The following SORCS3 variants were observed in gnomAD, a reference collection of about 807,000 sequenced individuals.
SORCS3 encodes the protein VPS10 domain-containing receptor SorCS3.
Under a neutral mutation model 146.3 loss-of-function variants are expected in SORCS3, and 57 were observed. The ratio of observed to expected loss-of-function variants is 0.39; its 90% confidence interval spans 0.31 to 0.49. SORCS3 has a LOEUF of 0.49. Among genes scored for constraint, SORCS3 ranks in the 20% least tolerant of loss-of-function variants. SORCS3 has a pLI of 0.92. For missense variants in SORCS3, 1,341 were observed against 1,575.5 expected (o/e 0.85, Z 2.52); for synonymous variants, 653 against 618.5 (o/e 1.06, Z -0.83).
intron 11 of SORCS3, among the ~76,000 whole-genome samples, chr10:105,162,644 A>G (rs1208543124): frequency 6.6e-6 from 1 of 152,200 alleles, no homozygotes; most frequent in African/African-American, 2.4e-5. Flanking sequence ...AGATATTTCC[A>G]CAAATAGAGT....
At chr10:104,686,942 C>T (rs12766991) in intron 1 of SORCS3, among the ~76,000 whole-genome samples, 18,730 of 151,508 alleles carry the variant, frequency 0.12, 1,172 homozygotes, top group Non-Finnish European at 0.15. Context: ...TCCATCCATC[C>T]ATCTATGTAT....
intron 4 of SORCS3, among the ~76,000 whole-genome samples, chr10:105,041,588 T>C (rs2055338898): frequency 6.6e-6 from 1 of 151,950 alleles, no homozygotes; most frequent in African/African-American, 2.4e-5. Flanking sequence ...GGCTCCGTTG[T>C]TCAATAAATA....
intron 4 of SORCS3, among the ~76,000 whole-genome samples, chr10:105,038,936 G>A (rs1296048528): frequency 2.0e-5 from 3 of 151,922 alleles, no homozygotes; most frequent in Non-Finnish European, 2.9e-5. Flanking sequence ...GAAATCTAGA[G>A]GACAAAAAGA....
At chr10:104,826,304 C>T (rs143932394) in intron 1 of SORCS3, among the ~76,000 whole-genome samples, 8 of 152,166 alleles carry the variant, frequency 5.3e-5, no homozygotes, top group East Asian at 3.9e-4. Flanking sequence ...TATAAACTAC[C>T]GTAGTTTAAT....
At chr10:105,230,019 A>G (rs977355849) in intron 20 of SORCS3, among the ~76,000 whole-genome samples, 1 of 152,164 alleles carries the variant, frequency 6.6e-6, no homozygotes, top group Non-Finnish European at 1.5e-5. Flanking sequence ...CTTCATATCT[A>G]CAATTAGTGA....
At chr10:105,144,501 T>C (rs2119459357) in intron 8 of SORCS3, among the ~76,000 whole-genome samples, 1 of 152,320 alleles carries the variant, frequency 6.6e-6, no homozygotes, top group South Asian at 2.1e-4. Context: ...TTTTCACCAT[T>C]GTTCACCTAG....
intron 1 of SORCS3, among the ~76,000 whole-genome samples, chr10:104,705,777 A>G (rs1254300938): frequency 6.6e-6 from 1 of 152,176 alleles, no homozygotes; most frequent in Non-Finnish European, 1.5e-5. Context: ...TTAAGGGAGC[A>G]ACATAGATTG....
chr10:104,976,886 ACAT>A (rs1165612684), intron 3 of SORCS3, among the ~76,000 whole-genome samples: 2 of 152,086 alleles, frequency 1.3e-5, no homozygotes, highest in African/African-American at 2.4e-5. Context: ...AGGAAGGGGA[ACAT>A]CACACTCTGG....
chr10:105,190,546 G>A lies in SORCS3; in HGVS notation c.2010-9453G>A, dbSNP rs189998140. ...CCTGAGTGGCTGGGATTACAGGTGC[G>A]TGCCACCACGCCAAGCTAATTTTTG... On this transcript the variant is annotated intron_variant, in intron 14 of 26. Transcript: ENST00000369701. 1.3e-4 allele frequency among the ~76,000 whole-genome samples: 20 copies of A among 152,172 alleles called. No individual in the cohort carries two copies. In the East Asian group the frequency reaches 3.5e-3, roughly 27 times the overall value.
At chr10:104,790,955 A>C (rs1368999632) in intron 1 of SORCS3, among the ~76,000 whole-genome samples, 1 of 152,218 alleles carries the variant, frequency 6.6e-6, no homozygotes, top group Non-Finnish European at 1.5e-5. Flanking sequence ...CCTGCTTTGC[A>C]TAAGGACTAA....
intron 2 of SORCS3, among the ~76,000 whole-genome samples, chr10:104,890,740 A>C (rs1369756987): frequency 2.0e-5 from 3 of 152,300 alleles, no homozygotes; most frequent in East Asian, 3.9e-4. Flanking sequence ...TAATTTTTGT[A>C]GGGGATTTCC....
chr10:105,041,880 G>A (rs2055340616), intron 4 of SORCS3, among the ~76,000 whole-genome samples: 1 of 152,082 alleles, frequency 6.6e-6, no homozygotes, highest in South Asian at 2.1e-4. Flanking sequence ...ATCTGTAAAA[G>A]TTTTTGGGAA....
intron 1 of SORCS3, among the ~76,000 whole-genome samples, chr10:104,771,046 C>T (rs573746409): frequency 1.3e-5 from 2 of 152,232 alleles, no homozygotes; most frequent in East Asian, 3.9e-4. Context: ...TCAGACTGGC[C>T]ACAATCCAAA....
intron 2 of SORCS3, among the ~76,000 whole-genome samples, chr10:104,881,923 G>T (rs926418445): frequency 6.6e-6 from 1 of 152,176 alleles, no homozygotes; most frequent in Admixed American, 6.6e-5. Flanking sequence ...CATGTGGATT[G>T]AAAGGGATTT....
chr10:105,151,719 C>T (rs2056169169), intron 9 of SORCS3, among the ~76,000 whole-genome samples: 1 of 151,732 alleles, frequency 6.6e-6, no homozygotes, highest in South Asian at 2.1e-4. Context: ...CCCCACTGAA[C>T]TCCCCAAAAT....
At chr10:104,646,379 G>A (rs1464577198) in intron 1 of SORCS3, among the ~76,000 whole-genome samples, 2 of 152,232 alleles carry the variant, frequency 1.3e-5, no homozygotes, top group Admixed American at 6.5e-5. Context: ...TGGATTTAAG[G>A]GAAAGGGAGG....
chr10:105,033,563 T>C (rs941028657), intron 4 of SORCS3, among the ~76,000 whole-genome samples: 5 of 152,198 alleles, frequency 3.3e-5, no homozygotes, highest in African/African-American at 9.7e-5. Context: ...GGAACTTCTA[T>C]TCTACTTGAA....
At chr10:104,967,040 C>T (rs1308101717) in intron 3 of SORCS3, among the ~76,000 whole-genome samples, 1 of 150,468 alleles carries the variant, frequency 6.6e-6, no homozygotes, top group African/African-American at 2.5e-5. Context: ...TGGACACAGA[C>T]AATTCATTTA....
intron 3 of SORCS3, among the ~76,000 whole-genome samples, chr10:104,936,325 C>T (rs901401141): frequency 8.6e-5 from 13 of 152,022 alleles, no homozygotes. Flanking sequence ...GACCTGGACT[C>T]CTATAGTGTA....
Sources: allele counts gnomAD v4.1 joint callset (sites outside exome capture counted in the v4.1 genomes callset), GRCh38; gene constraint gnomAD v4.1.1; transcripts MANE v1.5; gene names NCBI Gene and HGNC (gene_info 2026-07-23, HGNC 2026-07-21).